GALNT17: variants seen among roughly 807,000 people sequenced by gnomAD.
GALNT17 encodes UDP-GalNAc:polypeptide N-acetylgalactosaminyltransferase-like 3.
Under a neutral mutation model 63.7 loss-of-function variants are expected in GALNT17, and 29 were observed. The ratio of observed to expected loss-of-function variants is 0.46; its 90% CI spans 0.34 to 0.62. The LOEUF (loss-of-function observed/expected upper bound fraction) is 0.62, where lower values mean the gene tolerates loss of function less well. GALNT17 is among the 20% of genes least tolerant of loss of function. The pLI is 0.01. For missense variants in GALNT17, 603 were observed against 799.6 expected, an observed-to-expected ratio of 0.75 and a Z score of 2.97; for synonymous variants, 305 against 318.3, an observed-to-expected ratio of 0.96 and a Z score of 0.45.
intron 1 of GALNT17, among the ~76,000 whole-genome samples, chr7:71,197,995 C>G (rs543201650): frequency 1.3e-5 from 2 of 151,938 alleles, no homozygotes; most frequent in African/African-American, 2.4e-5. Flanking sequence ...GTTGGGAGTT[C>G]GAGACCAGCC....
intron 5 of GALNT17, among the ~76,000 whole-genome samples, chr7:71,551,771 AAAGAG>A (rs376303291): frequency 0.23 from 29,189 of 127,678 alleles, 3,661 homozygotes; most frequent in Non-Finnish European, 0.34. Context: ...AAAAAAAAAA[AAAGAG>A]AGAGAGAGAG....
At chr7:71,257,982 C>T (rs1388502851) in intron 1 of GALNT17, among the ~76,000 whole-genome samples, 1 of 152,164 alleles carries the variant, frequency 6.6e-6, no homozygotes, top group Non-Finnish European at 1.5e-5. Flanking sequence ...CTTTATGCTT[C>T]TAAACCCAAA....
At position 71,515,578 on chromosome 7, in the gene GALNT17, G is replaced by A. The variant is rs148812386; in HGVS notation, c.963-55707G>A. On this transcript the variant is annotated intron_variant, in intron 5 of 10. Transcript: ENST00000333538. The stretch of plus-strand genomic sequence containing the variant: ...TCTGATTAGACCCTGGATAGCACCC[G>A]CACTCCCTACTCATGGATACAGGCC... 6.1e-3 allele frequency among the ~76,000 whole-genome samples: 922 copies of A among 152,230 alleles called. 13 individuals are homozygous for A. Among genetic ancestry groups the A allele is most frequent in the African/African-American group, 0.021 (877 of 41,526 alleles).
At chr7:71,505,963 T>C (rs1788259132) in intron 5 of GALNT17, among the ~76,000 whole-genome samples, 1 of 152,184 alleles carries the variant, frequency 6.6e-6, no homozygotes, top group Admixed American at 6.5e-5. Flanking sequence ...CCCCATTGTG[T>C]TGATCTCTCT....
intron 1 of GALNT17, among the ~76,000 whole-genome samples, chr7:71,216,327 C>A (rs1180359513): frequency 6.6e-6 from 1 of 152,054 alleles, no homozygotes; most frequent in Non-Finnish European, 1.5e-5. Context: ...GTGAAAAGGG[C>A]AAATAAGTCT....
rs199811674 is a variant in GALNT17 at position 71,555,065 on chromosome 7, G to A, written c.963-16220G>A. Among the ~76,000 whole-genome samples the A allele has an allele frequency of 1.8e-4, 27 of 152,122 alleles. No homozygotes were observed. The East Asian group carries it at 3.7e-3, about 21-fold the overall frequency. On this transcript the variant is annotated intron_variant, in intron 5 of 10. Transcript: ENST00000333538. ...AGCCAGCATTACGTGGTGAGAGAGG[G>A]AGCAAGAGAGACAAGGGAGGTCCTA...
intron 6 of GALNT17, among the ~76,000 whole-genome samples, chr7:71,602,946 A>T (rs35223636): frequency 0.24 from 37,070 of 152,134 alleles, 5,807 homozygotes; most frequent in Non-Finnish European, 0.34. Flanking sequence ...GTACCATGCT[A>T]AGTGCATACA....
chr7:71,669,110 A>G (rs75145199), intron 7 of GALNT17, among the ~76,000 whole-genome samples: 6,244 of 152,282 alleles, frequency 0.041, 174 homozygotes, highest in Middle Eastern at 0.075. Context: ...TTTGCACAGC[A>G]ATGATAAGGA....
At chr7:71,264,972 G>T (rs1231367728) in intron 1 of GALNT17, among the ~76,000 whole-genome samples, 16 of 150,990 alleles carry the variant, frequency 1.1e-4, no homozygotes. Flanking sequence ...ATAACTAGAA[G>T]AGGACTTGAA....
chr7:71,345,676 G>A (rs116751006), intron 2 of GALNT17, among the ~76,000 whole-genome samples: 61 of 152,234 alleles, frequency 4.0e-4, no homozygotes, highest in African/African-American at 1.3e-3. Flanking sequence ...CATGTGACTC[G>A]TATGTGTATG....
At chr7:71,612,838 T>A (rs1790145023) in intron 6 of GALNT17, among the ~76,000 whole-genome samples, 1 of 152,210 alleles carries the variant, frequency 6.6e-6, no homozygotes, top group Non-Finnish European at 1.5e-5. Context: ...GGGTGAAAAT[T>A]CCCTGCATGA....
rs80135015 is a variant in GALNT17 at position 71,614,967 on chromosome 7, T to C, written c.1080+43565T>C. On this transcript the variant is annotated intron_variant, in intron 6 of 10. Transcript: ENST00000333538. Reference sequence around the variant, plus strand: ...GGTCTCAAGCACTTCGAATAAGGGATACTCAGCCCATGATGTCCAGCCTCA... The same window carrying C: ...GGTCTCAAGCACTTCGAATAAGGGACACTCAGCCCATGATGTCCAGCCTCA... 6.6e-3 allele frequency among the ~76,000 whole-genome samples: 1,002 copies of C among 152,174 alleles called. 23 individuals are homozygous for C. The highest frequency in any genetic ancestry group is 0.023 in the African/African-American group (964 of 41,538).
chr7:71,467,469 T>C (rs1787555034), intron 5 of GALNT17, among the ~76,000 whole-genome samples: 1 of 151,544 alleles, frequency 6.6e-6, no homozygotes, highest in Non-Finnish European at 1.5e-5. Context: ...TTCAGGGGAG[T>C]GGGGCAAAGT....
chr7:71,668,526 A>AAAAAAAAC (rs1791019995), intron 7 of GALNT17, among the ~76,000 whole-genome samples: 1 of 151,084 alleles, frequency 6.6e-6, no homozygotes, highest in East Asian at 1.9e-4. Context: ...CAAAAAAAAA[A>AAAAAAAAC]AAAAAAAAAG....
intron 1 of GALNT17, among the ~76,000 whole-genome samples, chr7:71,214,608 A>C: frequency 7.5e-6 from 1 of 133,584 alleles, no homozygotes; most frequent in Admixed American, 8.1e-5. Flanking sequence ...ATGGTGTCTC[A>C]CTCTTGTTGC....
chr7:71,154,808 C>G (rs561475353), intron 1 of GALNT17, among the ~76,000 whole-genome samples: 9 of 151,948 alleles, frequency 5.9e-5, no homozygotes, highest in Non-Finnish European at 1.3e-4. Flanking sequence ...AATCTCCTGA[C>G]CTCATGATCC....
chr7:71,361,569 A>T (rs946582812), intron 2 of GALNT17, among the ~76,000 whole-genome samples: 2 of 152,092 alleles, frequency 1.3e-5, no homozygotes, highest in African/African-American at 4.8e-5. Context: ...AATGCACAAG[A>T]CCTGCCCCCT....
intron 1 of GALNT17, among the ~76,000 whole-genome samples, chr7:71,261,871 A>G (rs760518839): frequency 4.6e-5 from 7 of 152,132 alleles, no homozygotes; most frequent in Non-Finnish European, 8.8e-5. Flanking sequence ...TCACATTGCC[A>G]CCTCCATGGA....
chr7:71,677,163 C>T (rs750403441), intron 8 of GALNT17, 48 bp from the exon 9 acceptor site: 2 of 1,594,268 alleles, frequency 1.3e-6, no homozygotes, highest in South Asian at 1.1e-5. Flanking sequence ...GGCATCCACA[C>T]CTCCACTAGC....
Sources: allele counts gnomAD v4.1 joint callset (sites outside exome capture counted in the v4.1 genomes callset), GRCh38; gene constraint gnomAD v4.1.1; transcripts MANE v1.5; gene names NCBI Gene and HGNC (gene_info 2026-07-23, HGNC 2026-07-21).